Variants in CEP162 observed in about 807,000 individuals in gnomAD.
CEP162 encodes the protein centrosomal protein 162.
Under a neutral mutation model 169.2 loss-of-function variants are expected in CEP162, and 141 were observed. That is an observed-to-expected ratio of 0.83 (90% confidence interval 0.73 to 0.96). The LOEUF is 0.96. Among genes scored for constraint, CEP162 ranks in the 40% least tolerant of loss-of-function variants. The pLI, the probability that CEP162 is intolerant of heterozygous loss-of-function variation, is 0.00. For synonymous variants in CEP162, 540 were observed against 526.4 expected (o/e 1.03, Z -0.35); for missense variants, 1,600 against 1,587.2 (o/e 1.01, Z -0.14).
chr6:84,156,140 A>G (rs1256908097), intron 21 of CEP162, among the ~76,000 whole-genome samples: 1 of 152,172 alleles, frequency 6.6e-6, no homozygotes, highest in Non-Finnish European at 1.5e-5. Flanking sequence ...AGGACACCCT[A>G]TTCAATAAAT....
intron 3 of CEP162, among the ~76,000 whole-genome samples, chr6:84,216,421 T>C (rs1588891179): frequency 6.6e-6 from 1 of 152,264 alleles, no homozygotes; most frequent in East Asian, 1.9e-4. Context: ...AAAAAATAGA[T>C]GGAAATAGTA....
chr6:84,208,152 T>G (rs752839343), intron 6 of CEP162, among the ~76,000 whole-genome samples: 7 of 152,084 alleles, frequency 4.6e-5, no homozygotes, highest in Non-Finnish European at 1.0e-4. Flanking sequence ...CAATCCTGAG[T>G]GCTTCTTATC....
chr6:84,213,855 G>A (rs779720916), intron 5 of CEP162, among the ~76,000 whole-genome samples: 3 of 152,186 alleles, frequency 2.0e-5, no homozygotes, highest in Non-Finnish European at 4.4e-5. Context: ...AATGACCATA[G>A]GCCCTGAGTG....
intron 9 of CEP162, among the ~76,000 whole-genome samples, chr6:84,197,842 A>AAG (rs1554181652): frequency 7.8e-4 from 118 of 150,886 alleles, no homozygotes; most frequent in African/African-American, 2.5e-3. Context: ...AAAAAAAAAA[A>AAG]AGAGAGAAAG....
At chr6:84,211,314 G>T (rs887888833) in intron 6 of CEP162, among the ~76,000 whole-genome samples, 1 of 151,660 alleles carries the variant, frequency 6.6e-6, no homozygotes, top group Admixed American at 6.6e-5. Flanking sequence ...AGATCATGAG[G>T]TCAGGAGATC....
At chr6:84,174,679 T>C in intron 15 of CEP162, 48 bp downstream of exon 15, 1 of 946,424 alleles carries the variant, frequency 1.1e-6, no homozygotes, top group Non-Finnish European at 1.6e-6. Context: ...TTCAGCTTTT[T>C]TTTTTTTTAA....
Position 84,152,828 on chromosome 6 carries a change from TTCTG to T in CEP162, c.3342_3345del (p.Asp1114GlufsTer3), listed in dbSNP as rs1308990788. ...GAGTTCTGATTTGATAGCATCATTC[TTCTG>T]TCTTTCTGAAGCCTCTCCACAGTTT... On this transcript the variant is annotated frameshift_variant, in exon 23 of 27. Coordinates refer to ENST00000403245, the MANE Select transcript of CEP162 (RefSeq NM_014895.4). LOFTEE classifies it high-confidence loss of function. 3.1e-6 allele frequency: 5 copies of T among 1,613,558 alleles called. No individual in the cohort carries two copies. The South Asian group carries it at 3.3e-5, about 11-fold the overall frequency.
chr6:84,213,393 T>C (rs866560671), intron 5 of CEP162, among the ~76,000 whole-genome samples: 4 of 152,258 alleles, frequency 2.6e-5, no homozygotes, highest in South Asian at 2.1e-4. Context: ...GAAGTCCATA[T>C]GAAAGCCAGA....
chr6:84,147,747 G>A (rs957873117), intron 24 of CEP162, among the ~76,000 whole-genome samples: 1 of 152,036 alleles, frequency 6.6e-6, no homozygotes, highest in Non-Finnish European at 1.5e-5. Flanking sequence ...TATACTCTGT[G>A]GTTAAGTATG....
chr6:84,167,702 G>T (rs1014832112), intron 18 of CEP162, among the ~76,000 whole-genome samples: 2 of 152,148 alleles, frequency 1.3e-5, no homozygotes, highest in Non-Finnish European at 2.9e-5. Flanking sequence ...TTGCAAGGTA[G>T]TGTCAATTCA....
chr6:84,206,907 A>G (rs1347225527), intron 6 of CEP162, among the ~76,000 whole-genome samples: 1 of 152,248 alleles, frequency 6.6e-6, no homozygotes, highest in African/African-American at 2.4e-5. Context: ...AAAAGTGGGC[A>G]AAGGATATGA....
intron 18 of CEP162, among the ~76,000 whole-genome samples, chr6:84,168,351 C>T (rs2099528649): frequency 6.6e-6 from 1 of 152,150 alleles, no homozygotes; most frequent in African/African-American, 2.4e-5. Context: ...ATAATGGATT[C>T]ATATGTAAAG....
chr6:84,215,181 T>C (rs1032540895), intron 5 of CEP162, 101 bp downstream of exon 5: 10 of 563,538 alleles, frequency 1.8e-5, no homozygotes, highest in Admixed American at 1.2e-4. Flanking sequence ...AAGATTTAAG[T>C]TTGCCTGTTA....
intron 6 of CEP162, among the ~76,000 whole-genome samples, chr6:84,206,050 C>T (rs1480291930): frequency 6.7e-6 from 1 of 148,710 alleles, no homozygotes; most frequent in Non-Finnish European, 1.5e-5. Context: ...CTACAAACCC[C>T]TGCTCAACGA....
intron 3 of CEP162, among the ~76,000 whole-genome samples, chr6:84,219,965 G>A (rs2099553030): frequency 6.6e-6 from 1 of 152,136 alleles, no homozygotes; most frequent in Non-Finnish European, 1.5e-5. Flanking sequence ...GGTGATGCTA[G>A]GCTTTATTGG....
chr6:84,134,814 C>A (rs377552213), intron 25 of CEP162, among the ~76,000 whole-genome samples: 5 of 151,998 alleles, frequency 3.3e-5, no homozygotes, highest in South Asian at 2.1e-4. Flanking sequence ...GCCTCCCCCC[C>A]ACAGATTAAA....
intron 25 of CEP162, among the ~76,000 whole-genome samples, chr6:84,145,099 A>G (rs1002857472): frequency 2.0e-5 from 3 of 152,144 alleles, no homozygotes; most frequent in African/African-American, 4.8e-5. Flanking sequence ...TCTGACGCCA[A>G]TAAAGTCCCT....
chr6:84,219,364 A>T, intron 3 of CEP162: 1 of 365,490 alleles, frequency 2.7e-6, no homozygotes, highest in South Asian at 2.2e-5. Context: ...TTTACTAATC[A>T]AATCTATTTC....
At chr6:84,189,547 G>A (rs962179805) in intron 11 of CEP162, among the ~76,000 whole-genome samples, 6 of 152,190 alleles carry the variant, frequency 3.9e-5, no homozygotes, top group Non-Finnish European at 5.9e-5. Context: ...GAGTCCCCCA[G>A]CAGTGCTGGC....
Sources: allele counts gnomAD v4.1 joint callset (sites outside exome capture counted in the v4.1 genomes callset), GRCh38; gene constraint gnomAD v4.1.1; transcripts MANE v1.5; gene names NCBI Gene and HGNC (gene_info 2026-07-23, HGNC 2026-07-21).